LPIN3: variants seen among roughly 807,000 people sequenced by gnomAD.
LPIN3 encodes lipin 3.
LPIN3 carries 82 observed loss-of-function variants against 94.7 expected under a neutral mutation model. The observed-to-expected ratio is 0.87, with a 90% CI of 0.72 to 1.04. The LOEUF is 1.04. Ranked by LOEUF, LPIN3 falls within the 50% of genes least tolerant of loss-of-function variation. The pLI, the probability that LPIN3 is intolerant of heterozygous loss-of-function variation, is 0.00. For synonymous variants in LPIN3, 418 were observed against 443.3 expected (o/e 0.94, Z 0.72); for missense variants, 996 against 1,090.5 (o/e 0.91, Z 1.22).
In LPIN3 at chr20:41,357,864, CCT is replaced by C; in HGVS notation, c.2040-17_2040-16del. ...CTGGTCTCTGATGGCTCTATGCCAC[CCT>C]GTCCCCCACTCTCAGAAATGGGTAC... On this transcript the variant is annotated splice_polypyrimidine_tract_variant and intron_variant, in intron 16 of 19. Coordinates refer to ENST00000373257, the MANE Select transcript of LPIN3 (RefSeq NM_022896.3). The C allele has an allele frequency of 6.2e-7, 1 of 1,613,914 alleles. No homozygotes were observed. Among genetic ancestry groups the C allele is most frequent in the Non-Finnish European group, 8.5e-7 (1 of 1,179,934 alleles).
chr20:41,357,544 A>G (rs970358081), intron 16 of LPIN3, 97 bp downstream of exon 16: 3 of 1,106,448 alleles, frequency 2.7e-6, no homozygotes, highest in African/African-American at 3.1e-5. Context: ...AGGGCCCACA[A>G]GGCAGGCTGC....
At chr20:41,354,170 G>T (rs1271098397) in intron 11 of LPIN3, among the ~76,000 whole-genome samples, 1 of 152,138 alleles carries the variant, frequency 6.6e-6, no homozygotes, top group Non-Finnish European at 1.5e-5. Flanking sequence ...GACAGTTATG[G>T]TAACATACAG....
intron 2 of LPIN3, among the ~76,000 whole-genome samples, 192 bp downstream of exon 2, chr20:41,346,187 CAGTT>C (rs575843713): frequency 1.3e-4 from 20 of 152,294 alleles, no homozygotes; most frequent in African/African-American, 4.3e-4. Context: ...GGAGGGTTCA[CAGTT>C]AGTTTCTCAT....
chr20:41,341,610 G>C (rs1216548006), intron 1 of LPIN3, among the ~76,000 whole-genome samples: 1 of 152,252 alleles, frequency 6.6e-6, no homozygotes, highest in Non-Finnish European at 1.5e-5. Context: ...GGTGGGGTGT[G>C]AGGCCTACGT....
chr20:41,348,177 G>A (rs1218812133), intron 3 of LPIN3, among the ~76,000 whole-genome samples: 1 of 152,184 alleles, frequency 6.6e-6, no homozygotes, highest in Non-Finnish European at 1.5e-5. Context: ...TCAGATGACG[G>A]GTGACCCCTG....
In LPIN3 at chr20:41,348,836, G is replaced by T; in HGVS notation, c.506G>T (p.Gly169Val). ...TDSSPEELEA[G>V]AESELSLPEK... ...TCTAGTCCAGAGGAACTGGAGGCAGGCGCTGAGAGTGAGCTATCCCTGCCG... is the reference window on the plus strand; with the variant it reads ...TCTAGTCCAGAGGAACTGGAGGCAGTCGCTGAGAGTGAGCTATCCCTGCCG... Residue 169 changes from glycine (G) to valine (V), a missense_variant, in exon 4 of 20, where the codon GGC becomes GTC. Physicochemically the swap from Gly to Val is moderately radical, Grantham distance 109. Transcript: ENST00000373257. 3 of 1,609,952 alleles carry T rather than the reference G, an allele frequency of 1.9e-6. No individual in the cohort carries two copies. The highest frequency in any genetic ancestry group is 2.5e-6 in the Non-Finnish European group (3 of 1,178,214).
At chr20:41,342,109 T>G (rs1458403711) in intron 1 of LPIN3, among the ~76,000 whole-genome samples, 2 of 152,200 alleles carry the variant, frequency 1.3e-5, no homozygotes, top group African/African-American at 4.8e-5. Flanking sequence ...CTGATAGGTG[T>G]ACATACAGGT....
At position 41,354,634 on chromosome 20, in the gene LPIN3, T is replaced by A. The variant is rs201301129; in HGVS notation, c.1528-11T>A. On this transcript the variant is annotated splice_polypyrimidine_tract_variant and intron_variant, in intron 11 of 19. Coordinates refer to ENST00000373257, the MANE Select transcript of LPIN3 (RefSeq NM_022896.3). ...GCAGGAAACACTGCCATGGCTTTCATCTGCCCACAGAGCACCATGGACAAG... is the reference window on the plus strand; with the variant it reads ...GCAGGAAACACTGCCATGGCTTTCAACTGCCCACAGAGCACCATGGACAAG... The A allele has an allele frequency of 6.4e-7, 1 of 1,556,266 alleles. No homozygotes were observed. The highest frequency in any genetic ancestry group is 2.3e-5 in the East Asian group (1 of 44,250).
intron 13 of LPIN3, among the ~76,000 whole-genome samples, chr20:41,355,619 C>T (rs1163939965): frequency 1.3e-5 from 2 of 152,198 alleles, no homozygotes; most frequent in African/African-American, 4.8e-5. Flanking sequence ...CAGAGATACA[C>T]TTTAGGTATT....
At chr20:41,356,072 C>A (rs999464989) in intron 14 of LPIN3, 38 bp downstream of exon 14, 1 of 1,605,504 alleles carries the variant, frequency 6.2e-7, no homozygotes, top group Non-Finnish European at 8.5e-7. Context: ...TGGGGAGGGG[C>A]TGAGCTAATT....
At chr20:41,351,738 G>C in intron 7 of LPIN3, 83 bp from the exon 8 acceptor site, 2 of 1,265,326 alleles carry the variant, frequency 1.6e-6, no homozygotes, top group Admixed American at 3.6e-5. Context: ...CACTGCCTTA[G>C]AGAATTCAGA....
intron 9 of LPIN3, 148 bp downstream of exon 9, chr20:41,352,368 A>G (rs907559904): frequency 5.2e-5 from 52 of 994,122 alleles, no homozygotes; most frequent in Non-Finnish European, 7.2e-5. Flanking sequence ...ACACTCCGCC[A>G]GCAGGGGCTG....
intron 18 of LPIN3, 42 bp downstream of exon 18, chr20:41,358,393 G>A: frequency 6.2e-7 from 1 of 1,613,314 alleles, no homozygotes. Flanking sequence ...CCTCTCCCCA[G>A]CTGCCTGCAG....
intron 2 of LPIN3, among the ~76,000 whole-genome samples, 161 bp downstream of exon 2, chr20:41,346,156 T>C (rs2045767709): frequency 6.6e-6 from 1 of 152,168 alleles, no homozygotes; most frequent in Admixed American, 6.5e-5. Flanking sequence ...GTTTTTGGGT[T>C]GATTTGGGGG....
rs1354235365 is a variant in LPIN3, at chr20:41,351,914, C to T, written c.1196C>T (p.Pro399Leu). The T allele has an allele frequency of 6.2e-7, 1 of 1,614,240 alleles. No homozygotes were observed. Among genetic ancestry groups the T allele is most frequent in the Non-Finnish European group, 8.5e-7 (1 of 1,180,044 alleles). ...LDSENAALYF[P>L]QSDSGLGARR... ...TCTGAGAATGCAGCGCTTTACTTCCCCCAAAGGTGCCTGGGTTCTGGATGC... is the reference window on the plus strand; with the variant it reads ...TCTGAGAATGCAGCGCTTTACTTCCTCCAAAGGTGCCTGGGTTCTGGATGC... Residue 399 changes from proline to leucine, a missense_variant, in exon 8 of 20, where the codon CCC (proline) becomes CTC (leucine). Coordinates refer to ENST00000373257, the MANE Select transcript of LPIN3 (RefSeq NM_022896.3).
At chr20:41,346,623 C>A (rs58082346) in intron 2 of LPIN3, among the ~76,000 whole-genome samples, 1,554 of 152,292 alleles carry the variant, frequency 0.01, 26 homozygotes, top group African/African-American at 0.036. Context: ...CACCTGTAAT[C>A]CCAGCCACTC....
chr20:41,355,571 C>T (rs2046179749), intron 13 of LPIN3, among the ~76,000 whole-genome samples: 1 of 152,164 alleles, frequency 6.6e-6, no homozygotes, highest in Non-Finnish European at 1.5e-5. Context: ...TAAGGATGGC[C>T]TGACTGAAAC....
At chr20:41,344,638 T>C (rs1363734088) in intron 1 of LPIN3, among the ~76,000 whole-genome samples, 2 of 152,176 alleles carry the variant, frequency 1.3e-5, no homozygotes, top group African/African-American at 4.8e-5. Flanking sequence ...GAGGAGGCTC[T>C]CATCATAGCC....
chr20:41,352,157 A>G lies in LPIN3; in HGVS notation c.1300A>G (p.Thr434Ala). ...PEHEPEPTLD[T>A]VDTIALSLCG... ...ACATGAACCTGAACCCACTCTGGAC[A>G]CAGTGGATACAATAGCACTGTCCCT... is the stretch of plus-strand genomic sequence containing the variant. The change falls in exon 9 of 20, where the codon ACA becomes GCA. Residue 434 changes from threonine (T) to alanine (A), a missense_variant. Physicochemically the swap from Thr to Ala is moderately conservative, Grantham distance 58. Coordinates refer to ENST00000373257, the MANE Select transcript of LPIN3 (RefSeq NM_022896.3). The G allele has an allele frequency of 1.2e-6, 2 of 1,614,244 alleles. No individual in the cohort carries two copies. The highest frequency in any genetic ancestry group is 2.2e-5 in the South Asian group (2 of 91,090).
Sources: allele counts gnomAD v4.1 joint callset (sites outside exome capture counted in the v4.1 genomes callset), GRCh38; gene constraint gnomAD v4.1.1; transcripts MANE v1.5; gene names NCBI Gene and HGNC (gene_info 2026-07-23, HGNC 2026-07-21).